Variants in MZT2A observed in about 807,000 individuals in gnomAD.
MZT2A encodes the protein mitotic spindle organizing protein 2A, also known as mitotic-spindle organizing protein 2A.
MZT2A carries 8 observed loss-of-function variants against 12.4 expected under a neutral mutation model. That is an observed-to-expected ratio of 0.64 (90% CI 0.38 to 1.16). MZT2A has a LOEUF of 1.16. MZT2A is among the 50% of genes most tolerant of loss of function. The pLI, the probability that MZT2A is intolerant of heterozygous loss-of-function variation, is 0.01. For missense variants in MZT2A, 181 were observed against 223.6 expected (o/e 0.81, Z 1.22); for synonymous variants, 88 against 107.5 (o/e 0.82, Z 1.12).
At chr2:131,492,783 G>GA, upstream of MZT2A, 5 of 1,342,250 alleles carry the variant, frequency 3.7e-6, no homozygotes, top group Admixed American at 2.3e-5. Context: ...TCGCTCTTCG[G>GA]GGGGGGTGGG....
chr2:131,492,396 G>C lies in MZT2A; in HGVS notation c.-20C>G. On this transcript the variant is annotated 5_prime_UTR_variant, in exon 1 of 3. Coordinates refer to ENST00000309451, the MANE Select transcript of MZT2A (RefSeq NM_001085365.2). ...CGCCATCCGCGAGGCCCGCCGAAAG[G>C]TGCGCCCCGCCCCGCCGCGCCCCCT... 7.9e-7 allele frequency: 1 copy of C among 1,258,034 alleles called. No homozygotes were observed. Among genetic ancestry groups the C allele is most frequent in the East Asian group, 3.4e-5 (1 of 29,628 alleles). The allele number at this position is 1,258,034 out of a possible 1,614,324, so 77.9% of individuals were successfully genotyped here.
At chr2:131,473,040 G>C (rs1421779604) in intron 2 of MZT2A, among the ~76,000 whole-genome samples, 1 of 152,176 alleles carries the variant, frequency 6.6e-6, no homozygotes, top group Non-Finnish European at 1.5e-5. Flanking sequence ...AACAGGATTC[G>C]TGTCCTTATA....
At chr2:131,470,615 G>A (rs1334062596) in intron 3 of MZT2A, among the ~76,000 whole-genome samples, 1 of 152,210 alleles carries the variant, frequency 6.6e-6, no homozygotes, top group Non-Finnish European at 1.5e-5. Context: ...CTTACAGCAG[G>A]ACAGCTGGCT....
intron 2 of MZT2A, among the ~76,000 whole-genome samples, chr2:131,472,404 A>G (rs1559341207): frequency 6.6e-6 from 1 of 152,262 alleles, no homozygotes; most frequent in Non-Finnish European, 1.5e-5. Flanking sequence ...AAAAATGGGC[A>G]TGTCCAAGGC....
At chr2:131,476,501 C>G (rs1678672799) in intron 2 of MZT2A, among the ~76,000 whole-genome samples, 1 of 152,222 alleles carries the variant, frequency 6.6e-6, no homozygotes, top group Admixed American at 6.5e-5. Flanking sequence ...GGCGCTGCTC[C>G]CGCTTCACAC....
At chr2:131,474,258 C>T (rs1233524179) in intron 2 of MZT2A, among the ~76,000 whole-genome samples, 7 of 151,826 alleles carry the variant, frequency 4.6e-5, no homozygotes, top group East Asian at 3.9e-4. Context: ...CCGCCACGCC[C>T]GGCTAATTTT....
chr2:131,489,658 G>A (rs1427806958), intron 2 of MZT2A: 3 of 163,668 alleles, frequency 1.8e-5, no homozygotes, highest in African/African-American at 4.8e-5. Context: ...GTGAGCCACC[G>A]CGCCGGGCCC....
At chr2:131,489,779 C>T (rs1679215321) in intron 2 of MZT2A, 1 of 818,462 alleles carries the variant, frequency 1.2e-6, no homozygotes, top group Non-Finnish European at 1.5e-6. Flanking sequence ...TCCCGAAGTG[C>T]TGGGATTACA....
chr2:131,489,913 CCT>C lies in MZT2A; in HGVS notation c.319+1961_319+1962del, dbSNP rs1374214878. On this transcript the variant is annotated intron_variant, in intron 2 of 2. Coordinates refer to ENST00000309451, the MANE Select transcript of MZT2A (RefSeq NM_001085365.2). ...GAGAGCTAGGCCTGGCACCCAGAGCCCTGAGTGAGTGCTAAGTGAGCAGCAAC... is the reference window on the plus strand; with the variant it reads ...GAGAGCTAGGCCTGGCACCCAGAGCCGAGTGAGTGCTAAGTGAGCAGCAAC... 4.1e-6 allele frequency: 4 copies of C among 974,268 alleles called. No homozygotes were observed. In the African/African-American group the frequency reaches 7.0e-5, roughly 17 times the overall value. 60.4% of individuals were successfully genotyped at this position (974,268 alleles called of 1,614,324 possible).
chr2:131,483,789 A>G (rs568634183), downstream of MZT2A, among the ~76,000 whole-genome samples: 8 of 152,270 alleles, frequency 5.3e-5, no homozygotes, highest in Non-Finnish European at 8.8e-5. Context: ...GTCTATTTAT[A>G]AAAGACCTGG....
At chr2:131,491,449 T>C (rs1679298747) in intron 2 of MZT2A, 5 of 294,050 alleles carry the variant, frequency 1.7e-5, no homozygotes, top group Admixed American at 4.9e-5. Context: ...GAAAAACATT[T>C]AGAGACAGGA....
At chr2:131,480,396 G>A (rs1678818317), downstream of MZT2A, 1 of 1,598,980 alleles carries the variant, frequency 6.3e-7, no homozygotes, top group Non-Finnish European at 8.5e-7. Flanking sequence ...TGGGCAGATC[G>A]TGTCCTCCAT....
upstream of MZT2A, among the ~76,000 whole-genome samples, chr2:131,493,359 ACT>A (rs1254403411): frequency 6.6e-6 from 1 of 151,728 alleles, no homozygotes; most frequent in Non-Finnish European, 1.5e-5. Flanking sequence ...CCGCTCGTAC[ACT>A]CTGTTCTGGT....
chr2:131,488,726 A>C, intron 2 of MZT2A, among the ~76,000 whole-genome samples: 1 of 149,702 alleles, frequency 6.7e-6, no homozygotes, highest in African/African-American at 2.5e-5. Context: ...ATTCCCCTCC[A>C]CCTCCTCCTC....
chr2:131,471,970 G>T, intron 3 of MZT2A: 1 of 1,097,146 alleles, frequency 9.1e-7, no homozygotes. Context: ...TCCATGAGCA[G>T]GAGTCCCAAG....
chr2:131,491,767 C>A (rs1322882516), intron 2 of MZT2A, 109 bp downstream of exon 2: 10 of 1,420,802 alleles, frequency 7.0e-6, no homozygotes, highest in South Asian at 2.7e-5. Context: ...CTAGACCGAC[C>A]GACAGACAGG....
chr2:131,489,068 C>A (rs1383245917), intron 2 of MZT2A, among the ~76,000 whole-genome samples: 1 of 152,238 alleles, frequency 6.6e-6, no homozygotes, highest in Non-Finnish European at 1.5e-5. Flanking sequence ...CCCATGCCCT[C>A]CCACTGCCCC....
chr2:131,490,450 A>G (rs1230537571), intron 2 of MZT2A: 19 of 1,340,958 alleles, frequency 1.4e-5, no homozygotes, highest in Non-Finnish European at 1.5e-5. Context: ...GGCTCTTTAC[A>G]CTCACCACTA....
intron 2 of MZT2A, among the ~76,000 whole-genome samples, chr2:131,476,585 A>G (rs71428588): frequency 2.4e-4 from 37 of 151,816 alleles, no homozygotes; most frequent in Admixed American, 5.2e-4. Context: ...GTGGACATTG[A>G]TCAGATGAGG....
Sources: allele counts gnomAD v4.1 joint callset (sites outside exome capture counted in the v4.1 genomes callset), GRCh38; gene constraint gnomAD v4.1.1; transcripts MANE v1.5; gene names NCBI Gene and HGNC (gene_info 2026-07-23, HGNC 2026-07-21).